Variants in TMEM145 observed in about 807,000 individuals in gnomAD.
TMEM145 encodes transmembrane protein 145.
In TMEM145, 46 loss-of-function variants were observed where a neutral mutation model predicts 68.5. That is an observed-to-expected ratio of 0.67 (90% CI 0.53 to 0.86). The LOEUF (loss-of-function observed/expected upper bound fraction) is 0.86, where lower values mean the gene tolerates loss of function less well. Among genes scored for constraint, TMEM145 ranks in the 40% least tolerant of loss-of-function variants. The pLI is 0.00. For synonymous variants in TMEM145, 255 were observed against 280.2 expected (o/e 0.91, Z 0.90); for missense variants, 570 against 645.8 (o/e 0.88, Z 1.27).
intron 10 of TMEM145, 30 bp downstream of exon 10, chr19:42,316,770 G>C: frequency 6.2e-7 from 1 of 1,611,444 alleles, no homozygotes; most frequent in Non-Finnish European, 8.5e-7. Context: ...TCGTGGGGCG[G>C]CTGGTGGGGG....
Position 42,324,817 on chromosome 19 carries a change from A to G in TMEM145, c.1482A>G (p.Ter494TrpextTer10). Reference sequence around the variant, plus strand: ...CCCCTGGCCCCCTTCGAGACCTCTGACCCCGCTGGACTCCGGAACACCCGT... The same window carrying G: ...CCCCTGGCCCCCTTCGAGACCTCTGGCCCCGCTGGACTCCGGAACACCCGT... ...LRPPGPLRDL[*>W] Residue 494 changes from the stop codon to tryptophan, a stop_lost, in exon 15 of 15, where the codon TGA becomes TGG. Transcript: ENST00000301204. 1 of 1,556,388 alleles carries G rather than the reference A, an allele frequency of 6.4e-7. No individual in the cohort carries two copies.
At chr19:42,320,549 C>A in intron 13 of TMEM145, 112 bp downstream of exon 13, 1 of 1,492,850 alleles carries the variant, frequency 6.7e-7, no homozygotes, top group Non-Finnish European at 9.1e-7. Flanking sequence ...GATCCATTTT[C>A]CTTTTAGTCA....
chr19:42,314,206 G>T, intron 1 of TMEM145, 66 bp from the exon 2 acceptor site: 1 of 1,574,066 alleles, frequency 6.4e-7, no homozygotes, highest in Non-Finnish European at 8.7e-7. Context: ...AAGAAAAGTT[G>T]GGGGTCTATG....
In TMEM145 at chr19:42,317,900, C is replaced by T. The variant is rs200461008; in HGVS notation, c.1073+19C>T. ...CCCTCTGGTGAGAATTGGTGGGCCC[C>T]AGCCTGTCCCTGCCTCCCTCTCGGG... On this transcript the variant is annotated intron_variant, in intron 12 of 14. Transcript: ENST00000301204. 3.8e-5 allele frequency: 62 copies of T among 1,613,212 alleles called. No homozygotes were observed. The highest frequency in any genetic ancestry group is 4.2e-6 in the Non-Finnish European group (5 of 1,179,362).
chr19:42,319,593 C>T (rs1009918502), intron 12 of TMEM145, among the ~76,000 whole-genome samples: 3 of 151,892 alleles, frequency 2.0e-5, no homozygotes, highest in African/African-American at 4.8e-5. Context: ...ACTACAGGCG[C>T]ATGCCACCAC....
Position 42,315,459 on chromosome 19 carries a change from A to C in TMEM145, c.646+19A>C. ...GTAGAGGGTGAGGTTCCGTGTCCCA[A>C]CTTTTGGGTTCTGAAAGAGAAGGCA... is the stretch of plus-strand genomic sequence containing the variant. On this transcript the variant is annotated intron_variant, in intron 8 of 14. Transcript: ENST00000301204. 6.2e-7 allele frequency: 1 copy of C among 1,613,840 alleles called. No individual in the cohort carries two copies. Among genetic ancestry groups the C allele is most frequent in the Non-Finnish European group, 8.5e-7 (1 of 1,179,926 alleles).
Position 42,313,583 on chromosome 19 carries a change from G to A in TMEM145, c.120+87G>A. 9.4e-7 allele frequency: 1 copy of A among 1,067,138 alleles called. No homozygotes were observed. Among genetic ancestry groups the A allele is most frequent in the African/African-American group, 1.6e-5 (1 of 60,618 alleles). The allele number at this position is 1,067,138 out of a possible 1,614,324, so 66.1% of individuals were successfully genotyped here. On this transcript the variant is annotated intron_variant, in intron 1 of 14. Transcript: ENST00000301204. This position sits in a 1 kb window ranked among gnomAD's most constrained non-coding sequence, Gnocchi z 5.1. ...GGGAGCGGGTACCGCCTCGCCCCCT[G>A]CCGCCCCTCCTGGCGGACTCCGGGA...
In TMEM145 at chr19:42,313,524, C is replaced by G; in HGVS notation, c.120+28C>G. 8.0e-7 allele frequency: 1 copy of G among 1,257,650 alleles called. No individual in the cohort carries two copies. Among genetic ancestry groups the G allele is most frequent in the Non-Finnish European group, 1.0e-6 (1 of 994,874 alleles). The allele number at this position is 1,257,650 out of a possible 1,614,324, so 77.9% of individuals were successfully genotyped here. A position where few individuals can be genotyped will look rare whatever the true frequency, so the allele number is the denominator to read the frequency against. ...GAGCATGCCGAGCCCTCCTCTGCGG[C>G]CCGCCGGCCCCCGGGGGACGCAAGG... On this transcript the variant is annotated intron_variant, in intron 1 of 14. Coordinates refer to ENST00000301204, the MANE Select transcript of TMEM145 (RefSeq NM_173633.3). The surrounding 1 kb of genome is among the most constrained non-coding windows in gnomAD (Gnocchi z 5.1).
At chr19:42,315,905 G>A (rs1216199231) in intron 8 of TMEM145, among the ~76,000 whole-genome samples, 2 of 151,994 alleles carry the variant, frequency 1.3e-5, no homozygotes, top group East Asian at 3.9e-4. Context: ...TGGCGTGTGC[G>A]TGTAATCCCA....
chr19:42,317,631 G>A (rs752258151), intron 11 of TMEM145, 78 bp from the exon 12 acceptor site: 10 of 1,460,786 alleles, frequency 6.8e-6, no homozygotes, highest in Non-Finnish European at 9.4e-7. Context: ...CTGTTCCCAA[G>A]TGCCCAGGGG....
intron 13 of TMEM145, chr19:42,321,546 C>T (rs540225296): frequency 9.0e-5 from 15 of 166,060 alleles, no homozygotes; most frequent in East Asian, 3.2e-4. Flanking sequence ...CCCACCACCA[C>T]GCCTAGCAAA....
In TMEM145 at chr19:42,317,722, G is replaced by A. The variant is rs757934498; in HGVS notation, c.914G>A (p.Gly305Asp). ...CTGCGGGTCTAGTTCTTTGACCCAG[G>A]CCAGGTACTGTACACGTATGAGTCG... is the stretch of plus-strand genomic sequence containing the variant. ...LIYEAEFFDP[G>D]QVLYTYESPA... Residue 305 changes from glycine (G) to aspartate (D), a missense_variant, in exon 12 of 15, where the codon GGC becomes GAC. By Grantham distance (94) the Gly-to-Asp change is moderately conservative (BLOSUM62 -1). Transcript: ENST00000301204. The A allele has an allele frequency of 6.2e-7, 1 of 1,614,164 alleles. No homozygotes were observed. The highest frequency in any genetic ancestry group is 8.5e-7 in the Non-Finnish European group (1 of 1,180,018).
At chr19:42,320,129 T>A (rs2038897585) in intron 12 of TMEM145, among the ~76,000 whole-genome samples, 188 bp from the exon 13 acceptor site, 1 of 152,214 alleles carries the variant, frequency 6.6e-6, no homozygotes, top group Non-Finnish European at 1.5e-5. Flanking sequence ...AACCTCCTTC[T>A]TGCCCCTCAG....
At chr19:42,314,103 T>A (rs924347431) in intron 1 of TMEM145, among the ~76,000 whole-genome samples, 169 bp from the exon 2 acceptor site, 1 of 151,716 alleles carries the variant, frequency 6.6e-6, no homozygotes, top group African/African-American at 2.4e-5. Context: ...GCGGCAGGAA[T>A]CCTGGACCCA....
intron 7 of TMEM145, 50 bp from the exon 8 acceptor site, chr19:42,315,322 C>T: frequency 1.2e-6 from 2 of 1,614,088 alleles, no homozygotes; most frequent in East Asian, 2.2e-5. Flanking sequence ...GGGAGGTGAG[C>T]TGCTCTCCCT....
intron 12 of TMEM145, among the ~76,000 whole-genome samples, chr19:42,318,588 G>A (rs552601735): frequency 6.6e-6 from 1 of 151,684 alleles, no homozygotes; most frequent in African/African-American, 2.4e-5. Context: ...TCAGGAGGCT[G>A]AGGCAGGAGA....
intron 12 of TMEM145, among the ~76,000 whole-genome samples, chr19:42,319,999 T>A (rs186128283): frequency 7.9e-5 from 12 of 152,322 alleles, no homozygotes; most frequent in Admixed American, 5.2e-4. Flanking sequence ...CCTCAGGTGA[T>A]CTGCCTGCCT....
chr19:42,315,162 C>G (rs755667671), intron 6 of TMEM145, 26 bp from the exon 7 acceptor site: 1 of 1,613,380 alleles, frequency 6.2e-7, no homozygotes, highest in Non-Finnish European at 8.5e-7. Context: ...CCTGAATGAA[C>G]CTTACTCCTC....
At position 42,324,854 on chromosome 19, in the gene TMEM145, G is replaced by A; in HGVS notation, c.*37G>A. 3 of 1,511,526 alleles carry A rather than the reference G, an allele frequency of 2.0e-6. No individual in the cohort carries two copies. The highest frequency in any genetic ancestry group is 2.2e-5 in the Admixed American group (1 of 46,342). The allele number at this position is 1,511,526 out of a possible 1,614,324, so 93.6% of individuals were successfully genotyped here. ...TCCGGAACACCCGTGGTGACCGCCGGGACCCTGCCTGTGACTCTCCAGGAC... is the reference window on the plus strand; with the variant it reads ...TCCGGAACACCCGTGGTGACCGCCGAGACCCTGCCTGTGACTCTCCAGGAC... On this transcript the variant is annotated 3_prime_UTR_variant, in exon 15 of 15. Coordinates refer to ENST00000301204, the MANE Select transcript of TMEM145 (RefSeq NM_173633.3).
Sources: allele counts gnomAD v4.1 joint callset (sites outside exome capture counted in the v4.1 genomes callset), GRCh38; gene constraint gnomAD v4.1.1; non-coding constraint Gnocchi (gnomAD v3.1); transcripts MANE v1.5; gene names NCBI Gene and HGNC (gene_info 2026-07-23, HGNC 2026-07-21).